EHBP1: variants seen among roughly 807,000 people sequenced by gnomAD.
The protein encoded by EHBP1 is EH domain binding protein 1.
EHBP1 carries 55 observed loss-of-function variants against 144.0 expected under a neutral mutation model. The observed-to-expected ratio is 0.38, with a 90% CI of 0.31 to 0.48. The LOEUF (loss-of-function observed/expected upper bound fraction) is 0.48. Ranked by LOEUF, EHBP1 falls within the 20% of genes least tolerant of loss-of-function variation. The pLI, the probability that EHBP1 is intolerant of heterozygous loss-of-function variation, is 0.98. For synonymous variants in EHBP1, 469 were observed against 472.7 expected (o/e 0.99, Z 0.10); for missense variants, 1,200 against 1,364.2 (o/e 0.88, Z 1.90).
intron 2 of EHBP1, among the ~76,000 whole-genome samples, chr2:62,733,268 C>T (rs989614799): frequency 3.3e-5 from 5 of 152,136 alleles, no homozygotes; most frequent in South Asian, 2.1e-4. Flanking sequence ...TACTGTTTAC[C>T]GCAGCTATAG....
At chr2:62,909,889 C>G (rs1445918564) in intron 10 of EHBP1, among the ~76,000 whole-genome samples, 1 of 152,150 alleles carries the variant, frequency 6.6e-6, no homozygotes, top group Non-Finnish European at 1.5e-5. Flanking sequence ...TCCTAAGTAG[C>G]TGGGACTACA....
chr2:62,922,281 T>C (rs1230323551), intron 10 of EHBP1, among the ~76,000 whole-genome samples: 1 of 152,226 alleles, frequency 6.6e-6, no homozygotes, highest in Non-Finnish European at 1.5e-5. Flanking sequence ...TTGGTCTTGC[T>C]GTCTTGGGGT....
chr2:62,949,248 A>C (rs1410600028), intron 13 of EHBP1, 86 bp downstream of exon 13: 1 of 1,186,136 alleles, frequency 8.4e-7, no homozygotes, highest in Non-Finnish European at 1.2e-6. Flanking sequence ...GATGCTACAA[A>C]TGATTAAAGG....
chr2:62,926,254 C>T (rs1445511779), intron 10 of EHBP1, among the ~76,000 whole-genome samples: 1 of 151,986 alleles, frequency 6.6e-6, no homozygotes, highest in Non-Finnish European at 1.5e-5. Flanking sequence ...AGACCTGAAG[C>T]ATTGAAACTA....
intron 2 of EHBP1, among the ~76,000 whole-genome samples, chr2:62,730,425 T>G (rs1209076036): frequency 6.6e-6 from 1 of 152,176 alleles, no homozygotes; most frequent in Non-Finnish European, 1.5e-5. Context: ...TTAGATTGGC[T>G]TCTTTCAGTC....
intron 14 of EHBP1, chr2:62,964,861 G>A (rs1214508092): frequency 6.6e-6 from 1 of 152,628 alleles, no homozygotes; most frequent in Non-Finnish European, 1.5e-5. Flanking sequence ...GTTGTCTTCT[G>A]TGTCAGAAAT....
At chr2:62,969,403 T>A (rs1242920957) in intron 14 of EHBP1, among the ~76,000 whole-genome samples, 1 of 152,178 alleles carries the variant, frequency 6.6e-6, no homozygotes, top group East Asian at 1.9e-4. Flanking sequence ...AATGCTACAA[T>A]TAAAAAGAAT....
chr2:62,772,141 AAGAAAAAG>A (rs1166460243), intron 5 of EHBP1: 5 of 150,798 alleles, frequency 3.3e-5, no homozygotes, highest in African/African-American at 7.3e-5. Flanking sequence ...GAAAGAAGGA[AAGAAAAAG>A]AGAGAAAGAG....
intron 1 of EHBP1, among the ~76,000 whole-genome samples, chr2:62,689,363 C>T (rs2033828140): frequency 6.6e-6 from 1 of 152,168 alleles, no homozygotes; most frequent in South Asian, 2.1e-4. Context: ...ATTTTTTAGG[C>T]TTGGTGTGGT....
At chr2:62,768,605 C>T (rs191773323) in intron 4 of EHBP1, among the ~76,000 whole-genome samples, 38 of 152,348 alleles carry the variant, frequency 2.5e-4, no homozygotes, top group Admixed American at 1.4e-3. Flanking sequence ...ATAGCTGGTA[C>T]TGTTCCTACC....
intron 5 of EHBP1, among the ~76,000 whole-genome samples, chr2:62,801,901 T>C (rs746261379): frequency 1.2e-4 from 18 of 152,358 alleles, no homozygotes; most frequent in Admixed American, 3.3e-4. Flanking sequence ...TCCCAAACTT[T>C]AGTGTGCATT....
intron 2 of EHBP1, 69 bp downstream of exon 2, chr2:62,707,364 C>A: frequency 1.8e-6 from 2 of 1,139,550 alleles, no homozygotes; most frequent in South Asian, 1.2e-5. Flanking sequence ...AACTCTGGGT[C>A]TTCTGATAGT....
chr2:63,017,465 C>T (rs917598889), intron 19 of EHBP1, among the ~76,000 whole-genome samples: 1 of 152,118 alleles, frequency 6.6e-6, no homozygotes, highest in Non-Finnish European at 1.5e-5. Context: ...TGTAGTATGG[C>T]AACTAAGAGA....
intron 2 of EHBP1, among the ~76,000 whole-genome samples, chr2:62,735,359 A>T: frequency 6.6e-6 from 1 of 151,912 alleles, no homozygotes; most frequent in Admixed American, 6.6e-5. Context: ...GTAACACTGT[A>T]CCTTTCTACA....
chr2:62,835,772 C>T (rs2047179886), intron 7 of EHBP1, among the ~76,000 whole-genome samples: 1 of 152,164 alleles, frequency 6.6e-6, no homozygotes, highest in East Asian at 1.9e-4. Flanking sequence ...CCAAATATTG[C>T]GCTTTTCAGA....
Position 62,874,572 on chromosome 2 carries a change from C to T in EHBP1, c.1185+40C>T, listed in dbSNP as rs760939233. 2 of 1,477,588 alleles carry T rather than the reference C, an allele frequency of 1.4e-6. 1 individual carries two copies. Among genetic ancestry groups the T allele is most frequent in the South Asian group, 2.7e-5 (2 of 74,524 alleles). The allele number at this position is 1,477,588 out of a possible 1,614,324, so 91.5% of individuals were successfully genotyped here. ...ATAGTAAAACATGTATTAATATTTG[C>T]TGTTTTCTCCCCGTGCCATTTAATT... On this transcript the variant is annotated intron_variant, in intron 10 of 22. Coordinates refer to ENST00000431489, the MANE Select transcript of EHBP1 (RefSeq NM_001142616.3).
intron 3 of EHBP1, among the ~76,000 whole-genome samples, chr2:62,762,410 A>C (rs1308526403): frequency 6.6e-6 from 1 of 152,230 alleles, no homozygotes; most frequent in East Asian, 1.9e-4. Flanking sequence ...ACAGTTCCCA[A>C]ATTTGCAGCT....
At chr2:62,853,363 A>G (rs2048816300) in intron 7 of EHBP1, among the ~76,000 whole-genome samples, 1 of 152,206 alleles carries the variant, frequency 6.6e-6, no homozygotes, top group African/African-American at 2.4e-5. Context: ...TTGTTCATCC[A>G]GAGAAGCAAC....
At chr2:62,748,391 C>T (rs1425939734) in intron 3 of EHBP1, among the ~76,000 whole-genome samples, 2 of 152,206 alleles carry the variant, frequency 1.3e-5, no homozygotes, top group Admixed American at 6.5e-5. Flanking sequence ...TCTATCCTTA[C>T]GCCTGTAATC....
Sources: gnomAD v4.1 joint callset for allele counts (sites outside exome capture counted in the v4.1 genomes callset) on GRCh38, gnomAD v4.1.1 for gene constraint, MANE v1.5 for transcripts, NCBI Gene and HGNC (gene_info 2026-07-23, HGNC 2026-07-21) for gene names.